DGLUCY: variants seen among roughly 807,000 people sequenced by gnomAD.
The protein encoded by DGLUCY is D-glutamate cyclase, mitochondrial.
In DGLUCY, 58 loss-of-function variants were observed where a neutral mutation model predicts 58.5. That is an observed-to-expected ratio of 0.99 (90% CI 0.80 to 1.23). The LOEUF is 1.23. DGLUCY is among the 50% of genes most tolerant of loss of function. The probability of loss-of-function intolerance (pLI) is 0.00; values close to 1 mark genes in which losing one functional copy is unlikely to be tolerated. For missense variants in DGLUCY, 779 were observed against 784.7 expected, an observed-to-expected ratio of 0.99 and a Z score of 0.09; for synonymous variants, 325 against 314.1, an observed-to-expected ratio of 1.03 and a Z score of -0.37.
At chr14:91,165,416 C>A in intron 3 of DGLUCY, 1 of 382,470 alleles carries the variant, frequency 2.6e-6, no homozygotes, top group Non-Finnish European at 5.2e-6. Flanking sequence ...GTTCACACAG[C>A]TGGTCAGAGA....
At chr14:91,072,288 C>T (rs192132347) in intron 1 of DGLUCY, among the ~76,000 whole-genome samples, 12 of 151,148 alleles carry the variant, frequency 7.9e-5, no homozygotes, top group Non-Finnish European at 1.5e-4. Context: ...CACACCACTG[C>T]ACTCCAGCGT....
chr14:91,163,691 C>T (rs965069692), intron 3 of DGLUCY, among the ~76,000 whole-genome samples: 1 of 152,152 alleles, frequency 6.6e-6, no homozygotes, highest in African/African-American at 2.4e-5. Context: ...CTCGCGGGCA[C>T]CCCTTCCAGG....
chr14:91,177,184 A>G (rs1029883517), intron 7 of DGLUCY, among the ~76,000 whole-genome samples: 1 of 152,134 alleles, frequency 6.6e-6, no homozygotes, highest in African/African-American at 2.4e-5. Flanking sequence ...AATTTTTTGT[A>G]GAGATGGGGT....
At chr14:91,064,969 TG>T (rs1301937965) in intron 1 of DGLUCY, among the ~76,000 whole-genome samples, 1 of 152,208 alleles carries the variant, frequency 6.6e-6, no homozygotes, top group African/African-American at 2.4e-5. Flanking sequence ...TTCGGTTTTT[TG>T]GCTTTTAATC....
intron 1 of DGLUCY, among the ~76,000 whole-genome samples, chr14:91,067,549 T>C (rs1284321049): frequency 6.6e-6 from 1 of 152,102 alleles, no homozygotes; most frequent in Non-Finnish European, 1.5e-5. Context: ...CAATATCTTT[T>C]TTTTTTTCTT....
intron 7 of DGLUCY, among the ~76,000 whole-genome samples, chr14:91,179,742 T>C (rs1166094481): frequency 1.3e-5 from 2 of 150,068 alleles, no homozygotes; most frequent in African/African-American, 2.5e-5. Flanking sequence ...CAGAGCAAGG[T>C]TCCGTCTCCA....
chr14:91,081,865 C>T (rs540043982), intron 1 of DGLUCY, among the ~76,000 whole-genome samples: 92 of 152,206 alleles, frequency 6.0e-4, no homozygotes, highest in African/African-American at 2.0e-3. Flanking sequence ...CTTGGCCTCC[C>T]GAGTAGCTGG....
chr14:91,072,100 A>T (rs57032451), intron 1 of DGLUCY, among the ~76,000 whole-genome samples: 3 of 152,256 alleles, frequency 2.0e-5, no homozygotes, highest in African/African-American at 7.2e-5. Context: ...AGGCAGGAGG[A>T]TCGCTTGAGC....
At chr14:91,100,924 A>C (rs1231300486) in intron 1 of DGLUCY, among the ~76,000 whole-genome samples, 2 of 152,132 alleles carry the variant, frequency 1.3e-5, no homozygotes, top group Non-Finnish European at 2.9e-5. Flanking sequence ...TACAAAAATT[A>C]GCTGGGCATG....
At chr14:91,216,259 C>G (rs962453834) in intron 13 of DGLUCY, 3 of 160,668 alleles carry the variant, frequency 1.9e-5, no homozygotes, top group African/African-American at 7.2e-5. Context: ...GCCCCTGAAG[C>G]TGTTTGCACA....
intron 3 of DGLUCY, among the ~76,000 whole-genome samples, chr14:91,166,894 G>T (rs1595816508): frequency 6.6e-6 from 1 of 152,170 alleles, no homozygotes; most frequent in African/African-American, 2.4e-5. Context: ...GAGGTCAGGA[G>T]TTCAAGACCA....
intron 3 of DGLUCY, among the ~76,000 whole-genome samples, chr14:91,163,007 C>T (rs149761024): frequency 0.018 from 2,753 of 152,234 alleles, 31 homozygotes; most frequent in African/African-American, 0.032. Context: ...CCTGTAATCC[C>T]AGCACTTTGG....
intron 1 of DGLUCY, among the ~76,000 whole-genome samples, chr14:91,116,472 A>C (rs372652714): frequency 1.7e-4 from 26 of 152,302 alleles, no homozygotes; most frequent in African/African-American, 6.0e-4. Flanking sequence ...GACTGTGTGA[A>C]ATTGTAAAAA....
chr14:91,198,082 G>T (rs183349756), intron 10 of DGLUCY, among the ~76,000 whole-genome samples: 2 of 152,186 alleles, frequency 1.3e-5, no homozygotes, highest in South Asian at 2.1e-4. Context: ...TTGCTCTGTC[G>T]CCCAGTCTAT....
chr14:91,173,239 T>G, intron 5 of DGLUCY, 50 bp from the exon 6 acceptor site: 1 of 1,606,874 alleles, frequency 6.2e-7, no homozygotes, highest in African/African-American at 1.3e-5. Context: ...GGATCTGTGC[T>G]AATTCCATTT....
chr14:91,189,125 G>C lies in DGLUCY; in HGVS notation c.1150G>C (p.Ala384Pro). ...GGTCGCCATAATCGTTGACCAGAGA[G>C]CCTGGAACTTGCACCAGAAGATTGT... ...KEVAIIVDQRAWNLHQKIVED... is the reference protein window; with the variant it reads ...KEVAIIVDQRPWNLHQKIVED... Residue 384 changes from alanine to proline, a missense_variant, in exon 9 of 14, where the codon GCC (alanine) becomes CCC (proline). Coordinates refer to ENST00000256324, the MANE Select transcript of DGLUCY (RefSeq NM_001102368.3). 6.2e-7 allele frequency: 1 copy of C among 1,614,184 alleles called. No individual in the cohort carries two copies. The highest frequency in any genetic ancestry group is 8.5e-7 in the Non-Finnish European group (1 of 1,180,034).
intron 1 of DGLUCY, among the ~76,000 whole-genome samples, chr14:91,140,220 CCTT>C (rs1241008060): frequency 2.6e-5 from 4 of 152,180 alleles, no homozygotes; most frequent in Admixed American, 6.6e-5. Context: ...TCCTTCTTCT[CCTT>C]CTTCACAACT....
intron 12 of DGLUCY, among the ~76,000 whole-genome samples, chr14:91,212,143 G>A (rs571051378): frequency 3.3e-5 from 5 of 152,294 alleles, no homozygotes; most frequent in South Asian, 2.1e-4. Flanking sequence ...GGCATTATCC[G>A]TGAAAGAAAC....
At chr14:91,197,116 A>G (rs1372014805) in intron 10 of DGLUCY, among the ~76,000 whole-genome samples, 2 of 151,978 alleles carry the variant, frequency 1.3e-5, no homozygotes, top group African/African-American at 4.8e-5. Flanking sequence ...ACAGGCACGC[A>G]CCATCACACC....
Sources: allele counts gnomAD v4.1 joint callset (sites outside exome capture counted in the v4.1 genomes callset), GRCh38; gene constraint gnomAD v4.1.1; transcripts MANE v1.5; gene names NCBI Gene and HGNC (gene_info 2026-07-23, HGNC 2026-07-21).